The following BARX2 variants were observed in gnomAD, a reference collection of about 807,000 sequenced individuals.
BARX2 encodes homeobox protein BarH-like 2.
In BARX2, 11 loss-of-function variants were observed where a neutral mutation model predicts 25.5. The observed-to-expected ratio is 0.43, with a 90% CI of 0.27 to 0.71. The LOEUF is 0.71. Ranked by LOEUF, BARX2 falls within the 30% of genes least tolerant of loss-of-function variation. The pLI is 0.19. For missense variants in BARX2, 360 were observed against 359.9 expected, an observed-to-expected ratio of 1.00 and a Z score of 0.00; for synonymous variants, 137 against 149.5, an observed-to-expected ratio of 0.92 and a Z score of 0.61.
intron 1 of BARX2, among the ~76,000 whole-genome samples, chr11:129,420,331 G>A (rs566833221): frequency 2.6e-5 from 4 of 152,274 alleles, no homozygotes; most frequent in Non-Finnish European, 4.4e-5. Flanking sequence ...ATAAGAACCC[G>A]AGGCCATGCA....
chr11:129,450,870 ATTG>A (rs759295555), intron 3 of BARX2, among the ~76,000 whole-genome samples: 49 of 152,030 alleles, frequency 3.2e-4, no homozygotes, highest in Non-Finnish European at 6.2e-4. Context: ...TTCTTTCCTT[ATTG>A]TTGAAGTTGA....
At chr11:129,412,164 C>G (rs893442726) in intron 1 of BARX2, among the ~76,000 whole-genome samples, 2 of 151,452 alleles carry the variant, frequency 1.3e-5, no homozygotes, top group African/African-American at 4.9e-5. Context: ...CCCAGCTACT[C>G]GGGAGGCTGA....
intron 1 of BARX2, among the ~76,000 whole-genome samples, chr11:129,406,286 A>T (rs899349442): frequency 1.3e-5 from 2 of 152,194 alleles, no homozygotes; most frequent in Non-Finnish European, 2.9e-5. Flanking sequence ...TTTTGTCTTT[A>T]TTACTTTTGT....
At chr11:129,435,801 T>C (rs545793047) in intron 1 of BARX2, among the ~76,000 whole-genome samples, 17 of 152,342 alleles carry the variant, frequency 1.1e-4, no homozygotes, top group Non-Finnish European at 2.4e-4. Context: ...GGAAAAGCTC[T>C]TTACTTGAAC....
chr11:129,407,099 C>T (rs561388514), intron 1 of BARX2, among the ~76,000 whole-genome samples: 3 of 152,266 alleles, frequency 2.0e-5, no homozygotes, highest in African/African-American at 7.2e-5. Flanking sequence ...GCGAATGGGA[C>T]CTCAGAAGTC....
At chr11:129,440,474 G>C (rs544727778) in intron 2 of BARX2, among the ~76,000 whole-genome samples, 48 of 152,368 alleles carry the variant, frequency 3.2e-4, no homozygotes, top group African/African-American at 9.1e-4. Flanking sequence ...CTGGGTTCTT[G>C]GTTCTCAATG....
At position 129,388,651 on chromosome 11, in the gene BARX2, G is replaced by A. The variant is rs372565069; in HGVS notation, c.187+12429G>A. 5.3e-5 allele frequency among the ~76,000 whole-genome samples: 8 copies of A among 152,296 alleles called. No individual in the cohort carries two copies. The East Asian group carries it at 1.4e-3, about 26-fold the overall frequency. On this transcript the variant is annotated intron_variant, in intron 1 of 3. Transcript: ENST00000281437. ...GTTGATTGGCATCACTTAAAAGAACGAGATTATTTTTTCACATTATATCTG... is the reference window on the plus strand; with the variant it reads ...GTTGATTGGCATCACTTAAAAGAACAAGATTATTTTTTCACATTATATCTG...
At chr11:129,409,743 C>T (rs1254650451) in intron 1 of BARX2, among the ~76,000 whole-genome samples, 2 of 152,138 alleles carry the variant, frequency 1.3e-5, no homozygotes, top group African/African-American at 4.8e-5. Context: ...CATCCTGTTT[C>T]CTGAAACTTT....
chr11:129,420,421 G>A (rs1413228056), intron 1 of BARX2, among the ~76,000 whole-genome samples: 1 of 152,224 alleles, frequency 6.6e-6, no homozygotes, highest in Non-Finnish European at 1.5e-5. Context: ...CTCCTCTGGA[G>A]GCCTGAGCTC....
In BARX2 at chr11:129,376,910, A is replaced by C. The variant is rs965294731; in HGVS notation, c.187+688A>C. Among the ~76,000 whole-genome samples, 3 of 152,264 alleles carry C rather than the reference A, an allele frequency of 2.0e-5. No individual in the cohort carries two copies. Among genetic ancestry groups the C allele is most frequent in the Non-Finnish European group, 2.9e-5 (2 of 68,054 alleles). ...TTCTCTCTTCACGGGAGGTAAGAGCAATAGTAAAGATAAAGAGAACTTAAT... is the reference window on the plus strand; with the variant it reads ...TTCTCTCTTCACGGGAGGTAAGAGCCATAGTAAAGATAAAGAGAACTTAAT... On this transcript the variant is annotated intron_variant, in intron 1 of 3. Coordinates refer to ENST00000281437, the MANE Select transcript of BARX2 (RefSeq NM_003658.5). This position sits in a 1 kb window ranked among gnomAD's most constrained non-coding sequence, Gnocchi z 4.2.
chr11:129,395,695 TG>T (rs1416002862), intron 1 of BARX2, among the ~76,000 whole-genome samples: 1 of 152,112 alleles, frequency 6.6e-6, no homozygotes, highest in Non-Finnish European at 1.5e-5. Flanking sequence ...TGCATTTGCC[TG>T]GGGGTGGGTT....
intron 2 of BARX2, among the ~76,000 whole-genome samples, chr11:129,439,205 C>T (rs1862227719): frequency 6.6e-6 from 1 of 151,988 alleles, no homozygotes; most frequent in Admixed American, 6.6e-5. Context: ...AGGAGAGAAT[C>T]CAGTGATCAT....
chr11:129,395,571 G>A (rs898669135), intron 1 of BARX2, among the ~76,000 whole-genome samples: 2 of 151,998 alleles, frequency 1.3e-5, no homozygotes, highest in African/African-American at 2.4e-5. Context: ...CGGCCCTCCC[G>A]GTCACACCCC....
At chr11:129,418,099 C>T (rs1861964193) in intron 1 of BARX2, among the ~76,000 whole-genome samples, 1 of 152,068 alleles carries the variant, frequency 6.6e-6, no homozygotes, top group African/African-American at 2.4e-5. Flanking sequence ...TTTGTTTTTG[C>T]ACTTTGTTTT....
At chr11:129,402,361 T>C (rs1591433351) in intron 1 of BARX2, among the ~76,000 whole-genome samples, 1 of 152,120 alleles carries the variant, frequency 6.6e-6, no homozygotes, top group Non-Finnish European at 1.5e-5. Flanking sequence ...AGGATTGTTA[T>C]GATGACTAAA....
intron 1 of BARX2, among the ~76,000 whole-genome samples, chr11:129,402,238 C>T (rs940338261): frequency 1.3e-5 from 2 of 152,002 alleles, no homozygotes; most frequent in African/African-American, 2.4e-5. Context: ...GGGGCACAGA[C>T]CTGGCTTGAA....
At chr11:129,449,655 G>C (rs1462545325) in intron 3 of BARX2, among the ~76,000 whole-genome samples, 1 of 152,162 alleles carries the variant, frequency 6.6e-6, no homozygotes, top group African/African-American at 2.4e-5. Flanking sequence ...AGGGTGCCAG[G>C]CCTTTGAAGT....
chr11:129,406,694 A>G (rs74688604), intron 1 of BARX2, among the ~76,000 whole-genome samples: 3,217 of 152,300 alleles, frequency 0.021, 56 homozygotes, highest in Non-Finnish European at 0.028. Flanking sequence ...AACCAGCCTC[A>G]ACGGTGATTG....
intron 1 of BARX2, among the ~76,000 whole-genome samples, chr11:129,395,416 C>A (rs1493534): frequency 0.86 from 131,540 of 152,222 alleles, 56,926 homozygotes; most frequent in Admixed American, 0.91. Flanking sequence ...TCCACAAACT[C>A]TCCTGAGGGT....
Sources: gnomAD v4.1 joint callset for allele counts (sites outside exome capture counted in the v4.1 genomes callset) on GRCh38, gnomAD v4.1.1 for gene constraint, Gnocchi (gnomAD v3.1) non-coding constraint, MANE v1.5 for transcripts, NCBI Gene and HGNC (gene_info 2026-07-23, HGNC 2026-07-21) for gene names.